The following TRHDE variants were observed in gnomAD, a reference collection of about 807,000 sequenced individuals.
The protein encoded by TRHDE is thyrotropin-releasing hormone-degrading ectoenzyme.
A neutral mutation model predicts 125.7 loss-of-function variants in TRHDE; 72 were observed. The ratio of observed to expected loss-of-function variants is 0.57; its 90% CI spans 0.47 to 0.70. The LOEUF (loss-of-function observed/expected upper bound fraction) is 0.70, where lower values mean the gene tolerates loss of function less well. Ranked by LOEUF, TRHDE falls within the 30% of genes least tolerant of loss-of-function variation. TRHDE has a pLI of 0.00. For synonymous variants in TRHDE, 509 were observed against 509.1 expected (o/e 1.00, Z 0.00); for missense variants, 1,110 against 1,327.1 (o/e 0.84, Z 2.54).
At chr12:72,278,705 T>C (rs1371726906) in intron 1 of TRHDE, among the ~76,000 whole-genome samples, 1 of 152,162 alleles carries the variant, frequency 6.6e-6, no homozygotes, top group Non-Finnish European at 1.5e-5. Flanking sequence ...ATGTTGAACA[T>C]TTTTCATATA....
chr12:72,568,602 G>T lies in TRHDE; in HGVS notation c.2077G>T (p.Gly693Ter). 1.2e-6 allele frequency: 2 copies of T among 1,611,842 alleles called. No individual in the cohort carries two copies. The highest frequency in any genetic ancestry group is 1.7e-6 in the Non-Finnish European group (2 of 1,178,574). ...LWQIPLTIVV[G>*]NRSHVSSEAI... is the part of the protein sequence containing the mutation. ...GCAGATTCCATTAACTATTGTGGTAGGAAATAGAAGCCATGTGTCTTCAGA... is the reference window on the plus strand; with the variant it reads ...GCAGATTCCATTAACTATTGTGGTATGAAATAGAAGCCATGTGTCTTCAGA... Residue 693 changes from glycine (G) to a stop codon, truncating the protein, a stop_gained, in exon 10 of 19, where the codon GGA (glycine) becomes TGA (stop). Coordinates refer to ENST00000261180, the MANE Select transcript of TRHDE (RefSeq NM_013381.3). LOFTEE classifies it high-confidence loss of function.
intron 1 of TRHDE, among the ~76,000 whole-genome samples, chr12:72,104,903 C>T (rs567021169): frequency 1.3e-5 from 2 of 152,176 alleles, no homozygotes; most frequent in Non-Finnish European, 2.9e-5. Context: ...CATCTCTCAT[C>T]TTTGCCTCTC....
At chr12:72,171,445 AC>A (rs1393526926) in intron 2 of TRHDE, among the ~76,000 whole-genome samples, 1 of 152,090 alleles carries the variant, frequency 6.6e-6, no homozygotes, top group Non-Finnish European at 1.5e-5. Context: ...GAGAAAGGGG[AC>A]TTTTTCTAAT....
intron 3 of TRHDE, among the ~76,000 whole-genome samples, chr12:72,414,294 C>T (rs1490402425): frequency 1.3e-5 from 2 of 152,024 alleles, no homozygotes; most frequent in African/African-American, 4.8e-5. Context: ...GGGGAAACAT[C>T]AGAGCCCAGG....
chr12:72,213,055 T>C (rs1877815560), intron 2 of TRHDE, among the ~76,000 whole-genome samples: 1 of 152,100 alleles, frequency 6.6e-6, no homozygotes, highest in Non-Finnish European at 1.5e-5. Flanking sequence ...TTTTCCACAT[T>C]AAGCTAAATG....
rs1875114506 is a variant in TRHDE at position 72,103,499 on chromosome 12, A to C, written n.175-2149A>C. On this transcript the variant is annotated intron_variant and non_coding_transcript_variant, in intron 1 of 4. Coordinates refer to the TRHDE transcript ENST00000548156. ...ATACGACTTACAGCATCCCTTGCTG[A>C]AGACCCTGTTATACAATTTTCATTT... Among the ~76,000 whole-genome samples the C allele has an allele frequency of 3.3e-5, 5 of 152,168 alleles. No homozygotes were observed. The South Asian group carries it at 1.0e-3, about 32-fold the overall frequency.
At chr12:72,216,805 G>T (rs570950951) in intron 2 of TRHDE, among the ~76,000 whole-genome samples, 1 of 152,058 alleles carries the variant, frequency 6.6e-6, no homozygotes, top group Non-Finnish European at 1.5e-5. Flanking sequence ...ACTTCAGAAA[G>T]GTTGAGAGAA....
At position 72,355,627 on chromosome 12, in the gene TRHDE, A is replaced by G. The variant is rs538488103; in HGVS notation, c.1189-22368A>G. Among the ~76,000 whole-genome samples, 4 of 152,068 alleles carry G rather than the reference A, an allele frequency of 2.6e-5. No homozygotes were observed. In the South Asian group the frequency reaches 8.3e-4, roughly 31 times the overall value. On this transcript the variant is annotated intron_variant, in intron 2 of 18. Transcript: ENST00000261180. Reference sequence around the variant, plus strand: ...AACATAGTAAACAGACAACCTACAGAATGGGAGAAAATATTTGCAAACTAT... The same window carrying G: ...AACATAGTAAACAGACAACCTACAGGATGGGAGAAAATATTTGCAAACTAT...
chr12:72,372,821 C>T (rs1314395764), intron 2 of TRHDE, among the ~76,000 whole-genome samples: 65 of 152,148 alleles, frequency 4.3e-4, no homozygotes, highest in East Asian at 9.7e-4. Context: ...AGTCAGGTAG[C>T]GTGATGCCTC....
intron 3 of TRHDE, among the ~76,000 whole-genome samples, chr12:72,379,931 T>C (rs1344846452): frequency 6.6e-6 from 1 of 152,212 alleles, no homozygotes; most frequent in African/African-American, 2.4e-5. Context: ...TATTTAGACC[T>C]ATATGTTAAT....
intron 10 of TRHDE, among the ~76,000 whole-genome samples, chr12:72,574,875 A>AAC (rs1870916890): frequency 6.6e-6 from 1 of 152,094 alleles, no homozygotes; most frequent in Non-Finnish European, 1.5e-5. Flanking sequence ...AAATTAGTAG[A>AAC]ATATGCATCT....
At chr12:72,299,685 A>C (rs1485214130) in intron 2 of TRHDE, among the ~76,000 whole-genome samples, 1 of 152,132 alleles carries the variant, frequency 6.6e-6, no homozygotes, top group African/African-American at 2.4e-5. Flanking sequence ...AGAGAGGAAA[A>C]ATTTCTAAAT....
chr12:72,548,226 AT>A (rs972591042), intron 7 of TRHDE, among the ~76,000 whole-genome samples: 4 of 151,502 alleles, frequency 2.6e-5, no homozygotes, highest in Non-Finnish European at 5.9e-5. Context: ...TTTTGCCCTC[AT>A]TTTTTTGTCT....
intron 2 of TRHDE, among the ~76,000 whole-genome samples, chr12:72,288,646 A>G (rs374665355): frequency 1.3e-5 from 2 of 152,160 alleles, no homozygotes; most frequent in African/African-American, 2.4e-5. Flanking sequence ...GTCAGCTAGC[A>G]TAGGGTACAC....
At chr12:72,504,681 T>G (rs1878290408) in intron 6 of TRHDE, among the ~76,000 whole-genome samples, 1 of 152,238 alleles carries the variant, frequency 6.6e-6, no homozygotes, top group Non-Finnish European at 1.5e-5. Flanking sequence ...TAAAATTGCA[T>G]TCCTAAAAGA....
chr12:72,151,177 G>C (rs966000190), intron 2 of TRHDE, among the ~76,000 whole-genome samples: 1 of 152,140 alleles, frequency 6.6e-6, no homozygotes, highest in Non-Finnish European at 1.5e-5. Context: ...TCATGTGTCT[G>C]TTGGGTGCAT....
intron 3 of TRHDE, among the ~76,000 whole-genome samples, chr12:72,458,859 A>G (rs935636290): frequency 6.6e-6 from 1 of 152,176 alleles, no homozygotes; most frequent in African/African-American, 2.4e-5. Context: ...TCTTATGTCA[A>G]TATTAGAGAC....
chr12:72,178,238 T>C (rs1229944890), intron 2 of TRHDE, among the ~76,000 whole-genome samples: 1 of 152,142 alleles, frequency 6.6e-6, no homozygotes, highest in Non-Finnish European at 1.5e-5. Flanking sequence ...AATATTGTAC[T>C]GTGTATTAGG....
At chr12:72,240,158 T>C (rs117227828) in intron 2 of TRHDE, among the ~76,000 whole-genome samples, 4,082 of 152,046 alleles carry the variant, frequency 0.027, 99 homozygotes, top group Non-Finnish European at 0.037. Context: ...TCACCTTTTT[T>C]CATTTTTAAA....
Sources: gnomAD v4.1 joint callset for allele counts (sites outside exome capture counted in the v4.1 genomes callset) on GRCh38, gnomAD v4.1.1 for gene constraint, MANE v1.5 for transcripts, NCBI Gene and HGNC (gene_info 2026-07-23, HGNC 2026-07-21) for gene names.